The following FAM227B variants were observed in gnomAD, a reference collection of about 807,000 sequenced individuals.
FAM227B encodes family with sequence similarity 227 member B.
Under a neutral mutation model 73.8 loss-of-function variants are expected in FAM227B, and 88 were observed. That is an observed-to-expected ratio of 1.19 (90% CI 1.00 to 1.42). The LOEUF (loss-of-function observed/expected upper bound fraction) is 1.42, where lower values mean the gene tolerates loss of function less well. FAM227B is among the 40% of genes most tolerant of loss of function. FAM227B has a pLI of 0.00. For synonymous variants in FAM227B, 210 were observed against 190.5 expected, an observed-to-expected ratio of 1.10 and a Z score of -0.84; for missense variants, 632 against 590.9, an observed-to-expected ratio of 1.07 and a Z score of -0.72.
intron 13 of FAM227B, among the ~76,000 whole-genome samples, chr15:49,355,712 A>G (rs1452303943): frequency 6.6e-6 from 1 of 151,020 alleles, no homozygotes; most frequent in Non-Finnish European, 1.5e-5. Context: ...AAGGCAGGCC[A>G]ACGTTCAGAT....
intron 11 of FAM227B, among the ~76,000 whole-genome samples, chr15:49,381,187 C>G (rs1047275080): frequency 6.6e-6 from 1 of 152,266 alleles, no homozygotes; most frequent in South Asian, 2.1e-4. Flanking sequence ...TCTGCCCCCG[C>G]CTCCTGGTCC....
At chr15:49,433,434 A>G (rs1485810849) in intron 11 of FAM227B, among the ~76,000 whole-genome samples, 2 of 151,760 alleles carry the variant, frequency 1.3e-5, no homozygotes, top group Non-Finnish European at 2.9e-5. Flanking sequence ...ATCACTCAAT[A>G]TATTTATCCT....
At chr15:49,328,757 T>A in intron 15 of FAM227B, 82 bp from the exon 16 acceptor site, 1 of 1,470,184 alleles carries the variant, frequency 6.8e-7, no homozygotes. Context: ...ATTTCTCCAG[T>A]TATCAAGAGA....
intron 11 of FAM227B, among the ~76,000 whole-genome samples, chr15:49,413,415 C>G (rs748027731): frequency 2.0e-5 from 3 of 152,020 alleles, no homozygotes; most frequent in African/African-American, 4.8e-5. Context: ...AACTGTGGGT[C>G]GATTAAACGT....
chr15:49,587,969 C>T (rs1273994635), intron 5 of FAM227B, 47 bp downstream of exon 5: 36 of 1,365,020 alleles, frequency 2.6e-5, no homozygotes, highest in Non-Finnish European at 3.5e-5. Context: ...TTTATATTTT[C>T]TGTGAAAATC....
intron 11 of FAM227B, among the ~76,000 whole-genome samples, chr15:49,479,179 A>G (rs1358689500): frequency 6.6e-6 from 1 of 152,210 alleles, no homozygotes; most frequent in Non-Finnish European, 1.5e-5. Flanking sequence ...TATTGCTGAC[A>G]AGGCTAAATG....
chr15:49,483,000 G>A (rs1391209282), intron 11 of FAM227B: 1 of 650,058 alleles, frequency 1.5e-6, no homozygotes, highest in Non-Finnish European at 2.8e-6. Context: ...GTGTGTATCT[G>A]TTGTGGGTCA....
chr15:49,517,119 T>A (rs769596349), intron 10 of FAM227B, among the ~76,000 whole-genome samples: 27 of 152,312 alleles, frequency 1.8e-4, no homozygotes, highest in Non-Finnish European at 3.5e-4. Flanking sequence ...TTGTTATAAA[T>A]CACTAAATGG....
chr15:49,334,073 G>C (rs1309377993), intron 14 of FAM227B: 4 of 156,680 alleles, frequency 2.6e-5, no homozygotes, highest in African/African-American at 7.2e-5. Context: ...AATTAGCAGA[G>C]TAGATGATTT....
Position 49,524,591 on chromosome 15 carries a change from G to C in FAM227B, c.875-16243C>G, listed in dbSNP as rs556164672. 8.8e-4 allele frequency among the ~76,000 whole-genome samples: 134 copies of C among 152,324 alleles called. 5 individuals carry two copies. In the South Asian group the frequency reaches 0.026, roughly 30 times the overall value. On this transcript the variant is annotated intron_variant, in intron 10 of 15. Coordinates refer to ENST00000299338, the MANE Select transcript of FAM227B (RefSeq NM_152647.3). ...GGGGCACTGCCTAGTGGATCTGTGA[G>C]AAGATGGCCACTGCTCTCCAGTCCC...
intron 9 of FAM227B, among the ~76,000 whole-genome samples, chr15:49,549,848 C>T (rs12050726): frequency 0.37 from 54,753 of 148,580 alleles, 11,924 homozygotes; most frequent in East Asian, 0.54. Flanking sequence ...ACCTCCCAGA[C>T]GGGGTGGTGG....
chr15:49,596,346 G>T (rs1356165399), intron 3 of FAM227B, among the ~76,000 whole-genome samples: 1 of 151,872 alleles, frequency 6.6e-6, no homozygotes, highest in East Asian at 1.9e-4. Context: ...TAAGAATTTT[G>T]TATCCAGCAA....
chr15:49,406,790 G>A (rs1306615487), intron 11 of FAM227B, among the ~76,000 whole-genome samples: 8 of 152,214 alleles, frequency 5.3e-5, no homozygotes, highest in African/African-American at 1.4e-4. Flanking sequence ...CATGTTTGGG[G>A]TTTGCTGTGG....
chr15:49,367,698 GT>G (rs2045428773), intron 12 of FAM227B, 90 bp from the exon 13 acceptor site: 2 of 1,204,698 alleles, frequency 1.7e-6, no homozygotes. Flanking sequence ...TTAGCATAAA[GT>G]TACCATTTGA....
chr15:49,542,256 G>T (rs1316573911), intron 9 of FAM227B, among the ~76,000 whole-genome samples: 4 of 152,124 alleles, frequency 2.6e-5, no homozygotes, highest in African/African-American at 9.7e-5. Flanking sequence ...TATTGAGAAA[G>T]TAAGTCTGAG....
intron 11 of FAM227B, among the ~76,000 whole-genome samples, chr15:49,456,593 C>G (rs2053317125): frequency 6.6e-6 from 1 of 152,124 alleles, no homozygotes; most frequent in East Asian, 1.9e-4. Flanking sequence ...CCTTTCTCTT[C>G]TCAAGGAATA....
chr15:49,511,837 CTTTAT>C (rs1182043764), intron 10 of FAM227B, among the ~76,000 whole-genome samples: 3 of 152,236 alleles, frequency 2.0e-5, no homozygotes, highest in Middle Eastern at 3.4e-3. Flanking sequence ...ACCGCATATC[CTTTAT>C]CCAGCCTATT....
chr15:49,547,549 G>C (rs1472192499), intron 9 of FAM227B, among the ~76,000 whole-genome samples: 1 of 152,108 alleles, frequency 6.6e-6, no homozygotes, highest in Admixed American at 6.5e-5. Flanking sequence ...CAAGTGCAGA[G>C]ACACACATAG....
chr15:49,453,433 C>T (rs1053327036), intron 11 of FAM227B, among the ~76,000 whole-genome samples: 1 of 152,050 alleles, frequency 6.6e-6, no homozygotes. Flanking sequence ...AGATATTTTA[C>T]ATTCTTTCTT....
Sources: gnomAD v4.1 joint callset for allele counts (sites outside exome capture counted in the v4.1 genomes callset) on GRCh38, gnomAD v4.1.1 for gene constraint, MANE v1.5 for transcripts, NCBI Gene and HGNC (gene_info 2026-07-23, HGNC 2026-07-21) for gene names.